RHOBTB1: variants seen among roughly 807,000 people sequenced by gnomAD.
RHOBTB1 encodes the protein Rho related BTB domain containing 1, also known as rho-related BTB domain-containing protein 1.
In RHOBTB1, 40 loss-of-function variants were observed where a neutral mutation model predicts 71.6. The ratio of observed to expected loss-of-function variants is 0.56; its 90% CI spans 0.43 to 0.73. The LOEUF is 0.73. RHOBTB1 is among the 30% of genes least tolerant of loss of function. The pLI, the probability that RHOBTB1 is intolerant of heterozygous loss-of-function variation, is 0.00. For missense variants in RHOBTB1, 797 were observed against 894.0 expected, an observed-to-expected ratio of 0.89 and a Z score of 1.38; for synonymous variants, 319 against 334.9, an observed-to-expected ratio of 0.95 and a Z score of 0.52.
chr10:60,879,603 C>T lies in RHOBTB1; in HGVS notation c.1576-1545G>A, dbSNP rs537233542. Among the ~76,000 whole-genome samples the T allele has an allele frequency of 2.6e-5, 4 of 152,034 alleles. No individual in the cohort carries two copies. In the South Asian group the frequency reaches 8.3e-4, roughly 32 times the overall value. ...CAAGTGATCCTCCTGCCTTGGCTTC[C>T]CAAAGTGCTGGGATTACAGGCATGA... On this transcript the variant is annotated intron_variant, in intron 7 of 10. Coordinates refer to ENST00000337910, the MANE Select transcript of RHOBTB1 (RefSeq NM_014836.5).
At chr10:60,956,914 A>C (rs981872569) in intron 2 of RHOBTB1, among the ~76,000 whole-genome samples, 1 of 152,212 alleles carries the variant, frequency 6.6e-6, no homozygotes, top group Non-Finnish European at 1.5e-5. Context: ...AATGCAAGGG[A>C]AACAGGAACC....
At chr10:60,893,764 C>T (rs1204914699) in intron 4 of RHOBTB1, among the ~76,000 whole-genome samples, 1 of 152,162 alleles carries the variant, frequency 6.6e-6, no homozygotes. Context: ...ACATAAGGGT[C>T]TTCCATTTTT....
chr10:60,981,070 C>A (rs1421844750), intron 2 of RHOBTB1, among the ~76,000 whole-genome samples: 2 of 152,030 alleles, frequency 1.3e-5, no homozygotes, highest in Non-Finnish European at 2.9e-5. Context: ...CTGGGAAATT[C>A]TATGTTTGAT....
intron 1 of RHOBTB1, among the ~76,000 whole-genome samples, chr10:60,997,684 T>G (rs528476387): frequency 1.1e-3 from 170 of 152,304 alleles, no homozygotes; most frequent in African/African-American, 4.0e-3. Flanking sequence ...ATGATAAGTA[T>G]TAAAAGGCTG....
chr10:60,868,318 CATCT>C (rs964559190), downstream of RHOBTB1, among the ~76,000 whole-genome samples: 78 of 152,064 alleles, frequency 5.1e-4, 1 homozygote, highest in African/African-American at 1.8e-3. Flanking sequence ...ATCTATCTAT[CATCT>C]ATCTATCTCT....
At chr10:60,955,492 C>T (rs925416815) in intron 2 of RHOBTB1, among the ~76,000 whole-genome samples, 3 of 152,206 alleles carry the variant, frequency 2.0e-5, no homozygotes, top group Non-Finnish European at 4.4e-5. Context: ...ATGCTTCCTT[C>T]TGATTGAGCA....
chr10:60,965,396 TG>T (rs554761621), intron 2 of RHOBTB1, among the ~76,000 whole-genome samples: 206 of 152,168 alleles, frequency 1.4e-3, no homozygotes, highest in South Asian at 1.2e-3. Context: ...AGTTTATAGA[TG>T]AAAAAAATGC....
intron 8 of RHOBTB1, 52 bp from the exon 9 acceptor site, chr10:60,875,094 G>T: frequency 7.1e-7 from 1 of 1,399,422 alleles, no homozygotes; most frequent in Non-Finnish European, 1.0e-6. Flanking sequence ...CTGCGAGCCA[G>T]GTAGCTTGCC....
At chr10:60,972,762 A>G (rs2086202711) in intron 2 of RHOBTB1, among the ~76,000 whole-genome samples, 1 of 152,088 alleles carries the variant, frequency 6.6e-6, no homozygotes, top group Non-Finnish European at 1.5e-5. Context: ...AGCACACAAT[A>G]CCAGTAGTGG....
At position 60,875,841 on chromosome 10, in the gene RHOBTB1, T is replaced by C. The variant is rs528795274; in HGVS notation, c.1727-799A>G. Reference sequence around the variant, plus strand: ...CGTTCTGGTCTGAAGCTAGGCCATCTCTTGCCTTTGTAAGGGCTGTCACCT... The same window carrying C: ...CGTTCTGGTCTGAAGCTAGGCCATCCCTTGCCTTTGTAAGGGCTGTCACCT... On this transcript the variant is annotated intron_variant, in intron 8 of 10. Transcript: ENST00000337910. Among the ~76,000 whole-genome samples, 7 of 152,320 alleles carry C rather than the reference T, an allele frequency of 4.6e-5. No individual in the cohort carries two copies. The South Asian group carries it at 8.3e-4, about 18-fold the overall frequency.
chr10:60,993,774 C>CT (rs146841322), intron 1 of RHOBTB1, among the ~76,000 whole-genome samples: 2,386 of 148,738 alleles, frequency 0.016, 69 homozygotes, highest in African/African-American at 0.054. Flanking sequence ...TATAGGTAGT[C>CT]TTTTTTTTTT....
intron 2 of RHOBTB1, among the ~76,000 whole-genome samples, chr10:60,931,312 C>A (rs2084238925): frequency 6.6e-6 from 1 of 152,140 alleles, no homozygotes; most frequent in African/African-American, 2.4e-5. Flanking sequence ...CCAAAGAAAC[C>A]TTGTGCCCAC....
chr10:60,944,458 C>T (rs1014681319), upstream of RHOBTB1, among the ~76,000 whole-genome samples: 10 of 152,324 alleles, frequency 6.6e-5, no homozygotes, highest in South Asian at 2.1e-3. Flanking sequence ...CCGACGGGCC[C>T]GGGCACGGAG....
rs1238923768 is a variant in RHOBTB1, at chr10:60,953,468, G to A, written c.-61-11614C>T. 2.0e-5 allele frequency among the ~76,000 whole-genome samples: 3 copies of A among 152,196 alleles called. No individual in the cohort carries two copies. The East Asian group carries it at 5.8e-4, about 29-fold the overall frequency. On this transcript the variant is annotated intron_variant, in intron 2 of 11. Transcript: ENST00000357917. ...ATGAGACACTCCTAGGAAACAAAAA[G>A]TAGTACCTAAGCGACTTTTGTCTTA...
rs1174052215 is a variant in RHOBTB1, at chr10:60,888,086, G to T, written c.1456+126C>A. The T allele has an allele frequency of 5.6e-5, 60 of 1,063,396 alleles. 1 individual carries two copies. The South Asian group carries it at 1.0e-3, about 18-fold the overall frequency. 65.9% of individuals were successfully genotyped at this position (1,063,396 alleles called of 1,614,324 possible). ...AAGTTAATGCCTGTAGCTTAGAAAG[G>T]TACATGGGAAAAAATAAGTACGTAT... is the stretch of plus-strand genomic sequence containing the variant. On this transcript the variant is annotated intron_variant, in intron 6 of 10. Transcript: ENST00000337910.
intron 2 of RHOBTB1, among the ~76,000 whole-genome samples, chr10:60,957,305 C>A (rs1349324739): frequency 6.6e-6 from 1 of 152,168 alleles, no homozygotes; most frequent in East Asian, 1.9e-4. Context: ...TTTTATATGA[C>A]CGTCAGCTTT....
intron 4 of RHOBTB1, among the ~76,000 whole-genome samples, chr10:60,893,961 G>T (rs957858380): frequency 6.6e-6 from 1 of 152,116 alleles, no homozygotes. Context: ...AATAAGAAAA[G>T]TTACGCCCAA....
chr10:60,997,064 TACACACACACACAC>T (rs3049452), intron 1 of RHOBTB1, among the ~76,000 whole-genome samples: 8 of 144,838 alleles, frequency 5.5e-5, no homozygotes, highest in Admixed American at 2.1e-4. Flanking sequence ...CATGGTTATG[TACACACACACACAC>T]ACACACACAC....
At chr10:60,917,235 A>T (rs997889695) in intron 2 of RHOBTB1, among the ~76,000 whole-genome samples, 1 of 152,212 alleles carries the variant, frequency 6.6e-6, no homozygotes, top group Non-Finnish European at 1.5e-5. Context: ...ACCTTTATAT[A>T]CACCTTTCCT....
Sources: allele counts gnomAD v4.1 joint callset (sites outside exome capture counted in the v4.1 genomes callset), GRCh38; gene constraint gnomAD v4.1.1; transcripts MANE v1.5; gene names NCBI Gene and HGNC (gene_info 2026-07-23, HGNC 2026-07-21).